PHACTR3: variants seen among roughly 807,000 people sequenced by gnomAD.
The protein encoded by PHACTR3 is protein phosphatase 1, regulatory subunit 123.
Under a neutral mutation model 66.8 loss-of-function variants are expected in PHACTR3, and 16 were observed. The observed-to-expected ratio is 0.24, with a 90% CI of 0.16 to 0.36. The LOEUF is 0.36. Ranked by LOEUF, PHACTR3 falls within the 10% of genes least tolerant of loss-of-function variation. PHACTR3 has a pLI of 1.00. For synonymous variants in PHACTR3, 323 were observed against 292.1 expected, an observed-to-expected ratio of 1.11 and a Z score of -1.08; for missense variants, 647 against 719.9, an observed-to-expected ratio of 0.90 and a Z score of 1.16.
chr20:59,583,341 C>T (rs1315890636), intron 1 of PHACTR3, among the ~76,000 whole-genome samples: 2 of 152,066 alleles, frequency 1.3e-5, no homozygotes, highest in African/African-American at 2.4e-5. Context: ...TTACTTTACC[C>T]CTAACTGTGA....
intron 10 of PHACTR3, 129 bp from the exon 11 acceptor site, chr20:59,841,266 G>A: frequency 5.9e-6 from 5 of 852,772 alleles, no homozygotes; most frequent in East Asian, 2.7e-5. Flanking sequence ...CTTGTATTTG[G>A]GTTATATTTT....
chr20:59,639,983 AAG>A (rs1568952516), intron 1 of PHACTR3, among the ~76,000 whole-genome samples: 1 of 152,222 alleles, frequency 6.6e-6, no homozygotes, highest in African/African-American at 2.4e-5. Flanking sequence ...CTGGCATTGT[AAG>A]AGAGAGCTCT....
chr20:59,641,907 G>T (rs1242623842), intron 1 of PHACTR3, among the ~76,000 whole-genome samples: 2 of 152,170 alleles, frequency 1.3e-5, no homozygotes, highest in Non-Finnish European at 2.9e-5. Flanking sequence ...CTATTAGTCT[G>T]TTTAAAGTCA....
At chr20:59,771,435 T>C (rs941408695) in intron 5 of PHACTR3, among the ~76,000 whole-genome samples, 2 of 152,134 alleles carry the variant, frequency 1.3e-5, no homozygotes. Flanking sequence ...GGCCACTTCT[T>C]GCATGGCTGG....
chr20:59,686,678 T>C (rs1389112111), intron 1 of PHACTR3, among the ~76,000 whole-genome samples: 4 of 150,884 alleles, frequency 2.7e-5, no homozygotes, highest in Non-Finnish European at 5.9e-5. Context: ...ATGGTGATGA[T>C]GATGGTGATG....
chr20:59,840,479 C>T (rs760321395), intron 10 of PHACTR3, 49 bp downstream of exon 10: 7 of 1,605,932 alleles, frequency 4.4e-6, no homozygotes, highest in Non-Finnish European at 5.9e-6. Context: ...GTCTAGAGAA[C>T]AGCTGCTTCG....
At chr20:59,788,205 T>A (rs1353416076) in intron 7 of PHACTR3, among the ~76,000 whole-genome samples, 3 of 152,234 alleles carry the variant, frequency 2.0e-5, no homozygotes. Flanking sequence ...CATACGATGT[T>A]TGGTTTTCCA....
intron 1 of PHACTR3, among the ~76,000 whole-genome samples, chr20:59,654,869 ATAT>A (rs1387971790): frequency 2.0e-5 from 3 of 151,834 alleles, no homozygotes; most frequent in African/African-American, 7.2e-5. Context: ...ACTGAACATA[ATAT>A]TTTAGAAATT....
At chr20:59,577,799 T>G (rs2032756255) in intron 1 of PHACTR3, among the ~76,000 whole-genome samples, 1 of 151,886 alleles carries the variant, frequency 6.6e-6, no homozygotes, top group Admixed American at 6.6e-5. Flanking sequence ...ACCGCCCCCC[T>G]CCTCCCCCTC....
At chr20:59,715,505 T>A (rs908262130) in intron 1 of PHACTR3, among the ~76,000 whole-genome samples, 2 of 152,238 alleles carry the variant, frequency 1.3e-5, no homozygotes, top group African/African-American at 4.8e-5. Context: ...TCTTTCTGCA[T>A]TTCTCTGCCT....
chr20:59,755,384 C>T lies in PHACTR3; in HGVS notation c.541+20C>T, dbSNP rs752675152. On this transcript the variant is annotated intron_variant, in intron 4 of 12. Coordinates refer to ENST00000371015, the MANE Select transcript of PHACTR3 (RefSeq NM_080672.5). ...ATGCAGGTACTGGCTGGAGACCACG[C>T]GAAGTTGAGCTGCTCCTAGAATGGC... 3.4e-5 allele frequency: 55 copies of T among 1,609,430 alleles called. No homozygotes were observed. In the African/African-American group the frequency reaches 5.1e-4, roughly 15 times the overall value.
At chr20:59,653,186 ATT>A (rs757041161) in intron 1 of PHACTR3, among the ~76,000 whole-genome samples, 6 of 143,918 alleles carry the variant, frequency 4.2e-5, no homozygotes, top group Non-Finnish European at 6.1e-5. Flanking sequence ...CGAGAAAGTA[ATT>A]TTTTTTTTTT....
chr20:59,743,147 G>T lies in PHACTR3; in HGVS notation c.159G>T (p.Leu53=), dbSNP rs2039232847. The change falls in exon 2 of 13, where the codon CTG becomes CTT. Residue 53 remains leucine, a synonymous_variant. Coordinates refer to ENST00000371015, the MANE Select transcript of PHACTR3 (RefSeq NM_080672.5). The part of the protein sequence containing the change: ...DQTPPARPEY[L]VSGIRTPPVR... ...CGCCCCCGGCGCGTCCTGAATATCTGGTCTCAGGGATTCGAACTCCCCCTG... is the reference window on the plus strand; with the variant it reads ...CGCCCCCGGCGCGTCCTGAATATCTTGTCTCAGGGATTCGAACTCCCCCTG... 1 of 1,613,936 alleles carries T rather than the reference G, an allele frequency of 6.2e-7. No homozygotes were observed. The highest frequency in any genetic ancestry group is 8.5e-7 in the Non-Finnish European group (1 of 1,179,960).
intron 1 of PHACTR3, among the ~76,000 whole-genome samples, chr20:59,657,262 TGTGTG>T (rs1225173108): frequency 6.1e-5 from 7 of 114,266 alleles, no homozygotes; most frequent in African/African-American, 2.0e-4. Context: ...GTGTGTTGTG[TGTGTG>T]TGTGTGTGTG....
At chr20:59,680,438 T>C (rs2426810) in intron 1 of PHACTR3, among the ~76,000 whole-genome samples, 72,961 of 151,856 alleles carry the variant, frequency 0.48, 18,031 homozygotes, top group East Asian at 0.62. Flanking sequence ...TCCTACAGTC[T>C]GGTGGTGGCA....
intron 1 of PHACTR3, among the ~76,000 whole-genome samples, chr20:59,722,501 A>G (rs374104496): frequency 5.9e-5 from 9 of 152,262 alleles, no homozygotes; most frequent in Admixed American, 3.9e-4. Context: ...GAAGGCACCA[A>G]GTGAGGCCAG....
intron 1 of PHACTR3, among the ~76,000 whole-genome samples, chr20:59,739,164 C>T (rs988629085): frequency 1.3e-5 from 2 of 152,106 alleles, no homozygotes; most frequent in Admixed American, 1.3e-4. Flanking sequence ...CCACTGGGTA[C>T]CAGGCACTAG....
At chr20:59,733,622 A>G (rs2038845574) in intron 1 of PHACTR3, among the ~76,000 whole-genome samples, 1 of 152,116 alleles carries the variant, frequency 6.6e-6, no homozygotes, top group Admixed American at 6.5e-5. Flanking sequence ...GTTGTCAAAG[A>G]GGCTGTGGGG....
intron 1 of PHACTR3, among the ~76,000 whole-genome samples, chr20:59,640,322 A>G (rs1203250359): frequency 6.6e-6 from 1 of 152,234 alleles, no homozygotes; most frequent in Non-Finnish European, 1.5e-5. Context: ...GGGCTAGGTC[A>G]TGTGCGCAGA....
Sources: gnomAD v4.1 joint callset for allele counts (sites outside exome capture counted in the v4.1 genomes callset) on GRCh38, gnomAD v4.1.1 for gene constraint, MANE v1.5 for transcripts, NCBI Gene and HGNC (gene_info 2026-07-23, HGNC 2026-07-21) for gene names.